Variants in ZNRF1 observed in about 807,000 individuals in gnomAD.
ZNRF1 encodes zinc and ring finger 1, also known as E3 ubiquitin-protein ligase ZNRF1.
ZNRF1 carries 3 observed loss-of-function variants against 18.4 expected under a neutral mutation model. That is an observed-to-expected ratio of 0.16 (90% CI 0.07 to 0.42). ZNRF1 has a LOEUF of 0.42. Among genes scored for constraint, ZNRF1 ranks in the 10% least tolerant of loss-of-function variants. The pLI is 0.99. For synonymous variants in ZNRF1, 157 were observed against 144.2 expected (o/e 1.09, Z -0.64); for missense variants, 310 against 329.8 (o/e 0.94, Z 0.47).
intron 1 of ZNRF1, among the ~76,000 whole-genome samples, chr16:75,014,402 A>G (rs1020833086): frequency 6.6e-6 from 1 of 152,194 alleles, no homozygotes; most frequent in African/African-American, 2.4e-5. Flanking sequence ...TGGAAGGAGA[A>G]AGATATTATG....
intron 1 of ZNRF1, among the ~76,000 whole-genome samples, chr16:75,067,773 G>T (rs1304699396): frequency 6.6e-6 from 1 of 152,154 alleles, no homozygotes; most frequent in Non-Finnish European, 1.5e-5. Context: ...ACATTAACTG[G>T]ATCTGCACAG....
Position 75,106,521 on chromosome 16 carries a change from G to C in ZNRF1, c.666G>C (p.Pro222=). ...GGTTTGAAGTGAACAGATCTTGTCC[G>C]GAACACCCTGCGGACTGACCTGCGG... ...DSWFEVNRSC[P]EHPAD Residue 222 remains proline, a synonymous_variant, in exon 4 of 5, where the codon CCG becomes CCC. Coordinates refer to ENST00000335325, the MANE Select transcript of ZNRF1 (RefSeq NM_032268.5). 1 of 1,614,080 alleles carries C rather than the reference G, an allele frequency of 6.2e-7. No individual in the cohort carries two copies. The highest frequency in any genetic ancestry group is 1.1e-5 in the South Asian group (1 of 91,082).
At position 75,108,644 on chromosome 16, in the gene ZNRF1, T is replaced by C; in HGVS notation, c.*944T>C. Reference sequence around the variant, plus strand: ...AAATGTTTAAAAAAATGTTCAAAGCTTGGGAGAAAAGCTTTCTTCATTAGT... The same window carrying C: ...AAATGTTTAAAAAAATGTTCAAAGCCTGGGAGAAAAGCTTTCTTCATTAGT... On this transcript the variant is annotated 3_prime_UTR_variant, in exon 5 of 5. Coordinates refer to ENST00000335325, the MANE Select transcript of ZNRF1 (RefSeq NM_032268.5). 2.5e-6 allele frequency: 1 copy of C among 398,874 alleles called. No homozygotes were observed. The highest frequency in any genetic ancestry group is 3.6e-5 in the East Asian group (1 of 28,058). 24.7% of individuals were successfully genotyped at this position (398,874 alleles called of 1,614,324 possible).
chr16:75,072,296 A>G (rs138222830), intron 1 of ZNRF1, among the ~76,000 whole-genome samples: 1 of 152,206 alleles, frequency 6.6e-6, no homozygotes, highest in African/African-American at 2.4e-5. Flanking sequence ...TCTCAGCCTA[A>G]GCTTTCCTTC....
intron 1 of ZNRF1, among the ~76,000 whole-genome samples, chr16:75,065,102 A>G (rs1031142838): frequency 2.0e-5 from 3 of 152,268 alleles, no homozygotes; most frequent in African/African-American, 7.2e-5. Context: ...GTTTTCATGC[A>G]ACGAGAAATT....
At chr16:75,033,991 CA>C (rs71158573) in intron 1 of ZNRF1, among the ~76,000 whole-genome samples, 130,802 of 144,888 alleles carry the variant, frequency 0.9, 59,024 homozygotes, top group Non-Finnish European at 0.93. Context: ...TACTAAAATA[CA>C]AAAAAAAAAA....
At chr16:75,093,326 A>G (rs1187154857) in intron 1 of ZNRF1, among the ~76,000 whole-genome samples, 2 of 151,194 alleles carry the variant, frequency 1.3e-5, no homozygotes, top group Non-Finnish European at 2.9e-5. Context: ...CAGAGGTTGC[A>G]GTGAACTGAG....
rs545780362 is a variant in ZNRF1 at position 75,061,170 on chromosome 16, ACT to A, written c.425-32399_425-32398del. Among the ~76,000 whole-genome samples, 84 of 152,180 alleles carry A rather than the reference ACT, an allele frequency of 5.5e-4. 3 individuals carry two copies. The East Asian group carries it at 0.016, about 29-fold the overall frequency. ...TTTGAGTTACACACGAAACAATTAC[ACT>A]CTTTATTTTAAAATATGCAATTAAG... On this transcript the variant is annotated intron_variant, in intron 1 of 4. Transcript: ENST00000335325.
At position 74,999,286 on chromosome 16, in the gene ZNRF1, G is replaced by GCCTCCTCCGGCGC. The variant is rs1428873954; in HGVS notation, c.-384_-372dup. On this transcript the variant is annotated 5_prime_UTR_variant, in exon 1 of 5. Transcript: ENST00000335325. ...TCCGCCTCCTCCCGCGGGGCGGGCG[G>GCCTCCTCCGGCGC]CCTCCTCCGGCGCCTCCCCGCGCCC... 6.7e-6 allele frequency: 1 copy of GCCTCCTCCGGCGC among 148,402 alleles called. No homozygotes were observed. The highest frequency in any genetic ancestry group is 2.4e-5 in the African/African-American group (1 of 40,966). 9.2% of individuals were successfully genotyped at this position (148,402 alleles called of 1,614,324 possible).
chr16:75,067,122 G>A (rs375324111), intron 1 of ZNRF1, among the ~76,000 whole-genome samples: 10 of 152,132 alleles, frequency 6.6e-5, no homozygotes, highest in South Asian at 2.1e-4. Context: ...GCAGTTCTCC[G>A]TCATCTGTTT....
intron 1 of ZNRF1, among the ~76,000 whole-genome samples, chr16:75,086,144 G>A (rs1017170591): frequency 1.3e-5 from 2 of 152,082 alleles, no homozygotes; most frequent in East Asian, 1.9e-4. Flanking sequence ...AGGGCGGTCC[G>A]CTTCACTCAG....
At chr16:75,051,363 A>G (rs908325872) in intron 1 of ZNRF1, among the ~76,000 whole-genome samples, 1 of 151,708 alleles carries the variant, frequency 6.6e-6, no homozygotes, top group Non-Finnish European at 1.5e-5. Flanking sequence ...GTGTGCCACC[A>G]CACCCAGCTA....
intron 1 of ZNRF1, among the ~76,000 whole-genome samples, chr16:75,085,611 T>C (rs1173512973): frequency 6.6e-6 from 1 of 152,204 alleles, no homozygotes; most frequent in Admixed American, 6.5e-5. Flanking sequence ...CTACCAGACC[T>C]TTCCCCAAAG....
intron 1 of ZNRF1, among the ~76,000 whole-genome samples, chr16:75,056,615 A>G (rs2035671524): frequency 6.6e-6 from 1 of 152,000 alleles, no homozygotes; most frequent in Non-Finnish European, 1.5e-5. Flanking sequence ...GACTTGGTTC[A>G]TGGAAAAACC....
chr16:75,057,562 G>A (rs894442667), intron 1 of ZNRF1, among the ~76,000 whole-genome samples: 4 of 152,154 alleles, frequency 2.6e-5, no homozygotes, highest in African/African-American at 9.7e-5. Context: ...CCTGGCCTCA[G>A]GATCGTCATA....
intron 1 of ZNRF1, among the ~76,000 whole-genome samples, chr16:75,042,770 G>A (rs57458668): frequency 0.059 from 8,968 of 152,140 alleles, 471 homozygotes; most frequent in Admixed American, 0.12. Flanking sequence ...GATTTCTGCA[G>A]AATGGTTTTT....
intron 1 of ZNRF1, among the ~76,000 whole-genome samples, chr16:75,003,798 A>G (rs2034883702): frequency 6.6e-6 from 1 of 152,106 alleles, no homozygotes; most frequent in South Asian, 2.1e-4. Flanking sequence ...CAATTTATTC[A>G]TCTGTAAAAT....
intron 1 of ZNRF1, among the ~76,000 whole-genome samples, chr16:75,007,911 G>A (rs1415320261): frequency 1.3e-5 from 2 of 152,046 alleles, no homozygotes; most frequent in Non-Finnish European, 2.9e-5. Context: ...TGTTGCCCGG[G>A]CTGGAGTGCA....
At chr16:75,065,059 C>T (rs1395330954) in intron 1 of ZNRF1, among the ~76,000 whole-genome samples, 1 of 152,206 alleles carries the variant, frequency 6.6e-6, no homozygotes, top group East Asian at 1.9e-4. Flanking sequence ...CTCAGCAACT[C>T]GTGTGCTTTC....
Sources: allele counts gnomAD v4.1 joint callset (sites outside exome capture counted in the v4.1 genomes callset), GRCh38; gene constraint gnomAD v4.1.1; transcripts MANE v1.5; gene names NCBI Gene and HGNC (gene_info 2026-07-23, HGNC 2026-07-21).